Variants in LRRIQ1 observed in about 807,000 individuals in gnomAD.
The protein encoded by LRRIQ1 is leucine rich repeats and IQ motif containing 1, also known as leucine-rich repeat- and IQ domain-containing protein 1.
LRRIQ1 carries 210 observed loss-of-function variants against 211.9 expected under a neutral mutation model. The observed-to-expected ratio is 0.99, with a 90% confidence interval of 0.89 to 1.11. The LOEUF (loss-of-function observed/expected upper bound fraction) is 1.11, where lower values mean the gene tolerates loss of function less well. LRRIQ1 is among the 50% of genes most tolerant of loss of function. The probability of loss-of-function intolerance (pLI) is 0.00; values close to 1 mark genes in which losing one functional copy is unlikely to be tolerated. For synonymous variants in LRRIQ1, 699 were observed against 650.1 expected (o/e 1.08, Z -1.14); for missense variants, 2,136 against 1,939.5 (o/e 1.10, Z -1.90).
chr12:85,258,614 T>C (rs1273557854), intron 1 of LRRIQ1, among the ~76,000 whole-genome samples: 1 of 151,992 alleles, frequency 6.6e-6, no homozygotes, highest in Non-Finnish European at 1.5e-5. Flanking sequence ...TATTGTAATA[T>C]CTACCTCAAC....
intron 3 of LRRIQ1, among the ~76,000 whole-genome samples, chr12:85,042,908 C>G (rs1156589161): frequency 6.6e-6 from 1 of 152,000 alleles, no homozygotes; most frequent in Non-Finnish European, 1.5e-5. Flanking sequence ...AAACTAGAAG[C>G]TAGTTGCACT....
intron 15 of LRRIQ1, among the ~76,000 whole-genome samples, chr12:85,120,640 T>C (rs1283575784): frequency 1.3e-5 from 2 of 152,230 alleles, no homozygotes; most frequent in African/African-American, 2.4e-5. Flanking sequence ...CTGGACAATA[T>C]TGAGTCTTCC....
chr12:85,148,960 G>A (rs1207961443), intron 19 of LRRIQ1, among the ~76,000 whole-genome samples: 1 of 151,926 alleles, frequency 6.6e-6, no homozygotes, highest in Non-Finnish European at 1.5e-5. Flanking sequence ...TTTGAGAAGT[G>A]TCTGTTTATG....
intron 16 of LRRIQ1, among the ~76,000 whole-genome samples, chr12:85,122,899 G>T (rs1206540480): frequency 6.6e-6 from 1 of 151,944 alleles, no homozygotes; most frequent in Non-Finnish European, 1.5e-5. Flanking sequence ...TTCCCTTGAA[G>T]TCCAAATTTC....
chr12:85,173,970 A>G (rs1891555190), intron 24 of LRRIQ1, among the ~76,000 whole-genome samples: 1 of 152,120 alleles, frequency 6.6e-6, no homozygotes, highest in Non-Finnish European at 1.5e-5. Context: ...GGACTCATGT[A>G]AGTCACCTTT....
At chr12:85,150,374 GTTCTAAATCCTGT>G (rs1242834136) in intron 19 of LRRIQ1, among the ~76,000 whole-genome samples, 1 of 151,646 alleles carries the variant, frequency 6.6e-6, no homozygotes, top group Non-Finnish European at 1.5e-5. Context: ...AAAACTCTAA[GTTCTAAATCCTGT>G]TTACAATTTT....
At chr12:85,192,991 AATATAATATATAAATATATAATTAT>A (rs1565894906) in intron 24 of LRRIQ1, among the ~76,000 whole-genome samples, 1 of 63,030 alleles carries the variant, frequency 1.6e-5, no homozygotes, top group African/African-American at 1.1e-4. Flanking sequence ...ATAATTATAT[AATATAATATATAAATATATAATTAT>A]ATAATATATT....
At chr12:85,153,797 A>C (rs767388184) in intron 22 of LRRIQ1, 39 bp downstream of exon 22, 1 of 1,277,744 alleles carries the variant, frequency 7.8e-7, no homozygotes. Context: ...TAAAAAATTG[A>C]GAGATTGCTA....
intron 24 of LRRIQ1, among the ~76,000 whole-genome samples, chr12:85,226,604 A>C (rs1278594907): frequency 1.3e-4 from 19 of 146,096 alleles, no homozygotes; most frequent in Admixed American, 4.2e-4. Flanking sequence ...ATATGTATAC[A>C]TGTGCCATGT....
intron 26 of LRRIQ1, among the ~76,000 whole-genome samples, chr12:85,233,678 C>A (rs7136204): frequency 7.2e-4 from 109 of 152,232 alleles, no homozygotes; most frequent in African/African-American, 2.5e-3. Context: ...TAGTCGCTAG[C>A]TAAATTGCGT....
chr12:85,176,750 AAAAAAAAATTTT>A (rs1440742020), intron 24 of LRRIQ1, among the ~76,000 whole-genome samples: 6 of 71,044 alleles, frequency 8.4e-5, no homozygotes, highest in Non-Finnish European at 1.5e-4. Flanking sequence ...AATAAAAAAT[AAAAAAAAATTTT>A]AAAAAAAATA....
At chr12:85,208,624 C>G (rs896830408) in intron 24 of LRRIQ1, among the ~76,000 whole-genome samples, 1 of 151,786 alleles carries the variant, frequency 6.6e-6, no homozygotes, top group African/African-American at 2.4e-5. Flanking sequence ...AATTAAGCAA[C>G]GAGACCAGTA....
intron 24 of LRRIQ1, among the ~76,000 whole-genome samples, chr12:85,166,991 A>C (rs527487915): frequency 6.6e-6 from 1 of 152,326 alleles, no homozygotes; most frequent in African/African-American, 2.4e-5. Flanking sequence ...TGAATAACTG[A>C]AAAATACAAA....
intron 24 of LRRIQ1, among the ~76,000 whole-genome samples, chr12:85,217,545 TGTGTGTA>T (rs1317831347): frequency 8.5e-6 from 1 of 117,036 alleles, no homozygotes; most frequent in East Asian, 2.4e-4. Context: ...TGTGTGTGTG[TGTGTGTA>T]TATAGGTATA....
intron 26 of LRRIQ1, among the ~76,000 whole-genome samples, chr12:85,239,849 G>C (rs190345234): frequency 6.6e-6 from 1 of 151,850 alleles, no homozygotes; most frequent in Non-Finnish European, 1.5e-5. Context: ...ATGGTGGCAC[G>C]TGCCTGTAAT....
rs60371759 is a variant in LRRIQ1, at chr12:85,236,830, CATATATATAT to C, written c.5016+4091_5016+4100del. Among the ~76,000 whole-genome samples the C allele has an allele frequency of 1.7e-4, 18 of 108,810 alleles. 1 individual carries two copies. Among genetic ancestry groups the C allele is most frequent in the African/African-American group, 6.3e-4 (14 of 22,314 alleles). The allele number at this position is 108,810 out of a possible 152,430, so 71.4% of individuals were successfully genotyped here. A position where few individuals can be genotyped will look rare whatever the true frequency, so the allele number is the denominator to read the frequency against. ...CTGGATATATGTATGTGTATGTGTG[CATATATATAT>C]ATATATATATATATATCTCCCAGAT... On this transcript the variant is annotated intron_variant, in intron 26 of 26. Coordinates refer to ENST00000393217, the MANE Select transcript of LRRIQ1 (RefSeq NM_001079910.2).
intron 11 of LRRIQ1, among the ~76,000 whole-genome samples, chr12:85,088,934 C>A (rs1375767648): frequency 6.6e-6 from 1 of 152,140 alleles, no homozygotes; most frequent in East Asian, 1.9e-4. Context: ...CCATTTATTT[C>A]TTTCTTCTGC....
chr12:85,124,225 CAA>C lies in LRRIQ1; in HGVS notation c.3715_3716del (p.Asn1239GlnfsTer2). On this transcript the variant is annotated frameshift_variant, in exon 17 of 27. Coordinates refer to ENST00000393217, the MANE Select transcript of LRRIQ1 (RefSeq NM_001079910.2). LOFTEE classifies it high-confidence loss of function. ...GCCCAGAAAAATCATTTGGCCCCTA[CAA>C]ACAGTGACAGCACTCTGCAAAATGG... is the stretch of plus-strand genomic sequence containing the variant. 6.2e-7 allele frequency: 1 copy of C among 1,614,050 alleles called. No individual in the cohort carries two copies. The highest frequency in any genetic ancestry group is 1.6e-4 in the Middle Eastern group (1 of 6,062).
At chr12:85,114,276 A>G (rs1303104566) in intron 15 of LRRIQ1, among the ~76,000 whole-genome samples, 1 of 152,052 alleles carries the variant, frequency 6.6e-6, no homozygotes, top group Non-Finnish European at 1.5e-5. Context: ...TATACGGGCC[A>G]AGCCTAGATG....
Sources: allele counts gnomAD v4.1 joint callset (sites outside exome capture counted in the v4.1 genomes callset), GRCh38; gene constraint gnomAD v4.1.1; transcripts MANE v1.5; gene names NCBI Gene and HGNC (gene_info 2026-07-23, HGNC 2026-07-21).